EDAR: variants seen among roughly 807,000 people sequenced by gnomAD.
EDAR encodes the protein tumor necrosis factor receptor superfamily member EDAR.
In EDAR, 38 loss-of-function variants were observed where a neutral mutation model predicts 51.3. That is an observed-to-expected ratio of 0.74 (90% CI 0.57 to 0.97). The LOEUF (loss-of-function observed/expected upper bound fraction) is 0.97, where lower values mean the gene tolerates loss of function less well. EDAR is among the 50% of genes least tolerant of loss of function. The probability of loss-of-function intolerance (pLI) is 0.00; values close to 1 mark genes in which losing one functional copy is unlikely to be tolerated. For synonymous variants in EDAR, 227 were observed against 242.1 expected (o/e 0.94, Z 0.58); for missense variants, 528 against 595.0 (o/e 0.89, Z 1.17).
In EDAR at chr2:108,985,291, T is replaced by C. The variant is rs1025127199; in HGVS notation, c.-19+3669A>G. Among the ~76,000 whole-genome samples the C allele has an allele frequency of 8.5e-5, 13 of 152,182 alleles. 1 individual carries two copies. The highest frequency in any genetic ancestry group is 2.9e-4 in the African/African-American group (12 of 41,448). The stretch of plus-strand genomic sequence containing the variant: ...CTCAGGGCTGTTACTAAGAGTAACG[T>C]GACTGTGGTTGTTATTGCCCTCATT... On this transcript the variant is annotated intron_variant, in intron 1 of 11. Transcript: ENST00000258443.
chr2:108,966,809 G>T (rs1698157398), intron 1 of EDAR, among the ~76,000 whole-genome samples: 1 of 152,214 alleles, frequency 6.6e-6, no homozygotes, highest in African/African-American at 2.4e-5. Flanking sequence ...TGATTGCCTG[G>T]GGACCACTAT....
chr2:108,970,909 C>A (rs1172867970), intron 1 of EDAR, among the ~76,000 whole-genome samples: 1 of 152,162 alleles, frequency 6.6e-6, no homozygotes, highest in African/African-American at 2.4e-5. Context: ...TTTGCTAATT[C>A]TTTTCTTTCC....
rs931028915 is a variant in EDAR at position 108,931,045 on chromosome 2, C to T, written c.-18-13G>A. The T allele has an allele frequency of 8.1e-6, 13 of 1,612,902 alleles. No homozygotes were observed. Among genetic ancestry groups the T allele is most frequent in the East Asian group, 2.2e-5 (1 of 44,868 alleles). On this transcript the variant is annotated splice_polypyrimidine_tract_variant and intron_variant, in intron 1 of 11. Transcript: ENST00000258443. ...CCCAAGGGCTCACCTGAAAGACATG[C>T]GTCATTAGCTGGGCACTGGCGGTAG...
intron 2 of EDAR, among the ~76,000 whole-genome samples, 174 bp from the exon 3 acceptor site, chr2:108,930,416 G>A (rs944102563): frequency 4.6e-5 from 7 of 152,092 alleles, no homozygotes; most frequent in Non-Finnish European, 8.8e-5. Context: ...GTCTCCAGTG[G>A]CTCCTGGTTG....
At chr2:108,960,788 C>T (rs1698023646) in intron 1 of EDAR, among the ~76,000 whole-genome samples, 1 of 152,028 alleles carries the variant, frequency 6.6e-6, no homozygotes, top group Non-Finnish European at 1.5e-5. Flanking sequence ...GGAGTCATAT[C>T]GTATATTGAG....
intron 1 of EDAR, among the ~76,000 whole-genome samples, chr2:108,934,068 C>A (rs1697421987): frequency 6.6e-6 from 1 of 152,140 alleles, no homozygotes; most frequent in Non-Finnish European, 1.5e-5. Flanking sequence ...AAGGGCTGGG[C>A]CTGCCGCACC....
intron 1 of EDAR, among the ~76,000 whole-genome samples, chr2:108,947,032 C>T (rs1475365553): frequency 6.6e-6 from 1 of 152,192 alleles, no homozygotes; most frequent in Non-Finnish European, 1.5e-5. Context: ...CCTGTAAAAT[C>T]AAAAGCAAGT....
chr2:108,944,378 T>G (rs1187176042), intron 1 of EDAR, among the ~76,000 whole-genome samples: 4 of 152,202 alleles, frequency 2.6e-5, no homozygotes. Context: ...CCTCCCAAAG[T>G]GCTGGGATTA....
rs180773279 is a variant in EDAR at position 108,944,144 on chromosome 2, C to T, written c.-18-13112G>A. Among the ~76,000 whole-genome samples the T allele has an allele frequency of 2.3e-4, 35 of 152,280 alleles. No individual in the cohort carries two copies. In the East Asian group the frequency reaches 5.0e-3, roughly 22 times the overall value. ...TATTCTTTTTTTTGAGACAGAGTCT[C>T]GCTCTGTCAGCCAGGCTGGAGTGCA... On this transcript the variant is annotated intron_variant, in intron 1 of 11. Transcript: ENST00000258443.
At chr2:108,988,086 G>A (rs1004299271) in intron 1 of EDAR, among the ~76,000 whole-genome samples, 7 of 152,228 alleles carry the variant, frequency 4.6e-5, no homozygotes, top group Non-Finnish European at 2.9e-5. Context: ...CTCTCCGTAC[G>A]TCTCCTCACA....
At chr2:108,978,941 A>G (rs1054010739) in intron 1 of EDAR, among the ~76,000 whole-genome samples, 2 of 152,252 alleles carry the variant, frequency 1.3e-5, no homozygotes, top group African/African-American at 4.8e-5. Context: ...AAGCTTTCCA[A>G]AAGGAAACCA....
At chr2:108,977,649 C>T (rs1698348087) in intron 1 of EDAR, among the ~76,000 whole-genome samples, 1 of 152,064 alleles carries the variant, frequency 6.6e-6, no homozygotes, top group Non-Finnish European at 1.5e-5. Context: ...ATCTGGACGT[C>T]CTCCCTCCTG....
intron 1 of EDAR, among the ~76,000 whole-genome samples, chr2:108,964,893 C>T (rs932292187): frequency 6.6e-6 from 1 of 152,194 alleles, no homozygotes; most frequent in African/African-American, 2.4e-5. Flanking sequence ...TACTTAATAA[C>T]AGCACGTCTG....
At chr2:108,949,802 G>A (rs1697788535) in intron 1 of EDAR, among the ~76,000 whole-genome samples, 1 of 152,188 alleles carries the variant, frequency 6.6e-6, no homozygotes, top group Admixed American at 6.5e-5. Context: ...GAGGTATGTA[G>A]CCAATGATTT....
intron 4 of EDAR, among the ~76,000 whole-genome samples, chr2:108,928,883 C>G (rs555111558): frequency 6.6e-6 from 1 of 152,184 alleles, no homozygotes; most frequent in Non-Finnish European, 1.5e-5. Flanking sequence ...TTCTTTTTCC[C>G]AAAGTGTTTC....
chr2:108,930,226 G>A lies in EDAR; in HGVS notation c.68C>T (p.Ser23Leu), dbSNP rs760731007. 1.1e-4 allele frequency: 183 copies of A among 1,614,088 alleles called. No homozygotes were observed. The highest frequency in any genetic ancestry group is 8.8e-4 in the Admixed American group (53 of 60,028). Residue 23 changes from serine to leucine, a missense_variant, in exon 3 of 12, where the codon TCA becomes TTA. Ser to Leu is a moderately radical substitution (Grantham distance 145). Coordinates refer to ENST00000258443, the MANE Select transcript of EDAR (RefSeq NM_022336.4). Reference protein sequence around the residue: ...LPVLVVSLMCSARAEYSNCGE... With the variant: ...LPVLVVSLMCLARAEYSNCGE... ...GCAGTTTGAGTATTCCGCTCGGGCT[G>A]AGCACATCAGAGACACCTGCCAACA...
intron 1 of EDAR, among the ~76,000 whole-genome samples, chr2:108,956,950 C>T (rs899911855): frequency 2.6e-5 from 4 of 152,152 alleles, no homozygotes; most frequent in South Asian, 2.1e-4. Flanking sequence ...CACCACGCCC[C>T]GCTAATTTTT....
chr2:108,929,706 A>G (rs1237309383), intron 3 of EDAR, among the ~76,000 whole-genome samples: 4 of 152,186 alleles, frequency 2.6e-5, no homozygotes, highest in Admixed American at 6.5e-5. Flanking sequence ...AGAACCGGAC[A>G]CTGAAACCCC....
intron 1 of EDAR, among the ~76,000 whole-genome samples, chr2:108,946,297 C>T (rs143376402): frequency 5.3e-5 from 8 of 152,328 alleles, no homozygotes; most frequent in South Asian, 2.1e-4. Context: ...GTGACAGTGA[C>T]GGGAGTAGCA....
Sources: allele counts gnomAD v4.1 joint callset (sites outside exome capture counted in the v4.1 genomes callset), GRCh38; gene constraint gnomAD v4.1.1; transcripts MANE v1.5; gene names NCBI Gene and HGNC (gene_info 2026-07-23, HGNC 2026-07-21).